Variants in OLA1 observed in about 807,000 individuals in gnomAD.
OLA1 encodes obg-like ATPase 1.
OLA1 carries 14 observed loss-of-function variants against 48.4 expected under a neutral mutation model. The ratio of observed to expected loss-of-function variants is 0.29; its 90% confidence interval spans 0.19 to 0.45. The LOEUF (loss-of-function observed/expected upper bound fraction) is 0.45. Ranked by LOEUF, OLA1 falls within the 20% of genes least tolerant of loss-of-function variation. The pLI, the probability that OLA1 is intolerant of heterozygous loss-of-function variation, is 1.00. For missense variants in OLA1, 325 were observed against 467.1 expected (o/e 0.70, Z 2.80); for synonymous variants, 127 against 150.4 (o/e 0.84, Z 1.14).
intron 4 of OLA1, among the ~76,000 whole-genome samples, chr2:174,166,041 G>T (rs973033462): frequency 1.3e-5 from 2 of 151,390 alleles, no homozygotes; most frequent in Non-Finnish European, 2.9e-5. Context: ...CAGGAGAATC[G>T]CTTGAACCCG....
chr2:174,224,883 T>C (rs764847675), intron 3 of OLA1, among the ~76,000 whole-genome samples: 20 of 152,200 alleles, frequency 1.3e-4, no homozygotes, highest in Non-Finnish European at 2.9e-5. Context: ...TGTTACTAAC[T>C]CAATAAATCA....
intron 4 of OLA1, among the ~76,000 whole-genome samples, chr2:174,162,152 T>C (rs753260909): frequency 1.3e-5 from 2 of 152,100 alleles, no homozygotes; most frequent in Non-Finnish European, 2.9e-5. Flanking sequence ...GTAGAATACA[T>C]AAGGTACATT....
intron 4 of OLA1, among the ~76,000 whole-genome samples, chr2:174,169,722 G>C (rs1251072590): frequency 6.6e-6 from 1 of 152,118 alleles, no homozygotes; most frequent in Non-Finnish European, 1.5e-5. Flanking sequence ...TTCTCAGAAA[G>C]AAAAGAAAAG....
intron 4 of OLA1, among the ~76,000 whole-genome samples, chr2:174,196,076 C>T (rs998367168): frequency 2.2e-4 from 34 of 152,150 alleles, no homozygotes; most frequent in African/African-American, 7.9e-4. Flanking sequence ...ATCTAGATTG[C>T]TGTGTAGAGT....
At chr2:174,101,855 A>G (rs1685404244) in intron 7 of OLA1, among the ~76,000 whole-genome samples, 1 of 152,338 alleles carries the variant, frequency 6.6e-6, no homozygotes, top group Middle Eastern at 3.4e-3. Context: ...ATCATATATA[A>G]AAGAAGATAT....
chr2:174,160,475 A>G (rs1686985300), intron 4 of OLA1, among the ~76,000 whole-genome samples: 1 of 152,206 alleles, frequency 6.6e-6, no homozygotes, highest in South Asian at 2.1e-4. Flanking sequence ...CAACCTGGTT[A>G]TGCTGAGATT....
At chr2:174,247,818 G>A (rs1689160893) in intron 1 of OLA1, 7 of 1,544,736 alleles carry the variant, frequency 4.5e-6, no homozygotes, top group African/African-American at 1.4e-5. Context: ...TTTACAAGTC[G>A]AAACTTTCTC....
intron 4 of OLA1, among the ~76,000 whole-genome samples, chr2:174,171,375 A>C (rs1558988432): frequency 6.6e-6 from 1 of 152,368 alleles, no homozygotes; most frequent in East Asian, 1.9e-4. Flanking sequence ...CATAGCCAAA[A>C]GACAAGTTTC....
At chr2:174,202,313 A>G (rs1399751289) in intron 4 of OLA1, among the ~76,000 whole-genome samples, 2 of 152,236 alleles carry the variant, frequency 1.3e-5, no homozygotes, top group Non-Finnish European at 2.9e-5. Flanking sequence ...TGTACTCCAT[A>G]CTGTACTACC....
intron 4 of OLA1, among the ~76,000 whole-genome samples, chr2:174,210,646 C>T (rs1574553495): frequency 6.6e-6 from 1 of 152,108 alleles, no homozygotes; most frequent in African/African-American, 2.4e-5. Flanking sequence ...AAATTGCATA[C>T]AGTTAAATCT....
intron 10 of OLA1, among the ~76,000 whole-genome samples, chr2:174,077,125 G>A (rs1223389865): frequency 6.6e-6 from 1 of 152,054 alleles, no homozygotes; most frequent in East Asian, 1.9e-4. Context: ...TCTTGAGTAT[G>A]TATTAAACAA....
At chr2:174,125,096 A>G (rs981322173) in intron 5 of OLA1, among the ~76,000 whole-genome samples, 4 of 152,244 alleles carry the variant, frequency 2.6e-5, no homozygotes, top group Admixed American at 2.6e-4. Context: ...GTGCTATATT[A>G]CAAATGCATT....
intron 7 of OLA1, among the ~76,000 whole-genome samples, chr2:174,083,543 A>G (rs1005055426): frequency 1.3e-5 from 2 of 152,284 alleles, no homozygotes; most frequent in African/African-American, 4.8e-5. Flanking sequence ...TTAACATAAA[A>G]TTCAAACTAG....
At chr2:174,169,764 A>C (rs1192307506) in intron 4 of OLA1, among the ~76,000 whole-genome samples, 1 of 152,234 alleles carries the variant, frequency 6.6e-6, no homozygotes, top group African/African-American at 2.4e-5. Context: ...TAGTAAGTGC[A>C]AAAGGCTTTT....
At chr2:174,248,354 G>C in intron 1 of OLA1, 98 bp downstream of exon 1, 1 of 154,174 alleles carries the variant, frequency 6.5e-6, no homozygotes, top group Non-Finnish European at 1.5e-5. Flanking sequence ...GCCCCATCTT[G>C]GCCACTGGGC....
intron 4 of OLA1, among the ~76,000 whole-genome samples, chr2:174,144,943 A>ATATATATAT (rs1436750497): frequency 2.7e-4 from 19 of 69,888 alleles, no homozygotes; most frequent in Admixed American, 4.2e-4. Flanking sequence ...AAAAAAAAAA[A>ATATATATAT]AAAAAAAAAT....
chr2:174,220,990 T>A (rs1485873056), intron 4 of OLA1, among the ~76,000 whole-genome samples: 1 of 152,224 alleles, frequency 6.6e-6, no homozygotes, highest in Non-Finnish European at 1.5e-5. Context: ...ATCTTTCTAA[T>A]CTCTACAAGT....
At chr2:174,211,513 T>C (rs1401719335) in intron 4 of OLA1, among the ~76,000 whole-genome samples, 1 of 152,238 alleles carries the variant, frequency 6.6e-6, no homozygotes, top group African/African-American at 2.4e-5. Context: ...TAGAAAATTA[T>C]ATTTGAATCA....
intron 4 of OLA1, among the ~76,000 whole-genome samples, chr2:174,176,340 T>A (rs868453735): frequency 5.9e-5 from 9 of 152,264 alleles, no homozygotes; most frequent in Non-Finnish European, 8.8e-5. Context: ...AATCTTAATA[T>A]GGGAGAATAG....
Sources: gnomAD v4.1 joint callset for allele counts (sites outside exome capture counted in the v4.1 genomes callset) on GRCh38, gnomAD v4.1.1 for gene constraint, MANE v1.5 for transcripts, NCBI Gene and HGNC (gene_info 2026-07-23, HGNC 2026-07-21) for gene names.